ULK4: variants seen among roughly 807,000 people sequenced by gnomAD.
The protein encoded by ULK4 is inactive serine/threonine-protein kinase ULK4.
ULK4 carries 133 observed loss-of-function variants against 160.6 expected under a neutral mutation model. The observed-to-expected ratio is 0.83, with a 90% confidence interval of 0.72 to 0.96. The LOEUF (loss-of-function observed/expected upper bound fraction) is 0.96. Among genes scored for constraint, ULK4 ranks in the 40% least tolerant of loss-of-function variants. The pLI, the probability that ULK4 is intolerant of heterozygous loss-of-function variation, is 0.00. For synonymous variants in ULK4, 534 were observed against 539.8 expected (o/e 0.99, Z 0.15); for missense variants, 1,580 against 1,499.5 (o/e 1.05, Z -0.89).
chr3:41,862,776 TC>T (rs1319081516), intron 17 of ULK4, among the ~76,000 whole-genome samples: 6 of 132,998 alleles, frequency 4.5e-5, no homozygotes, highest in Non-Finnish European at 7.4e-5. Flanking sequence ...TCTCTCTCTC[TC>T]TCTCTCTCCG....
intron 21 of ULK4, among the ~76,000 whole-genome samples, chr3:41,754,815 A>C (rs543024850): frequency 3.9e-5 from 6 of 152,356 alleles, no homozygotes; most frequent in African/African-American, 9.6e-5. Context: ...TTAACTACTC[A>C]ATCACACAAC....
intron 32 of ULK4, among the ~76,000 whole-genome samples, chr3:41,540,821 C>A (rs2086669770): frequency 6.6e-6 from 1 of 152,190 alleles, no homozygotes; most frequent in Admixed American, 6.5e-5. Context: ...TTGTTGGCTG[C>A]ATAAATGTCT....
At chr3:41,596,873 T>G (rs868191487) in intron 31 of ULK4, among the ~76,000 whole-genome samples, 2 of 152,052 alleles carry the variant, frequency 1.3e-5, no homozygotes, top group African/African-American at 4.8e-5. Flanking sequence ...CTGATTCTAG[T>G]GTAAGGTTTC....
rs1559577709 is a variant in ULK4, at chr3:41,819,450, T to C, written c.1821A>G (p.Thr607=). The C allele has an allele frequency of 3.7e-6, 6 of 1,613,530 alleles. No individual in the cohort carries two copies. Among genetic ancestry groups the C allele is most frequent in the South Asian group, 1.1e-5 (1 of 91,046 alleles). The change falls in exon 19 of 37, where the codon ACA becomes ACG. Residue 607 remains threonine, a synonymous_variant. Coordinates refer to ENST00000301831, the MANE Select transcript of ULK4 (RefSeq NM_017886.4). ...ECWAVPLAAY[T]VLMRCLREGE... ...CTTCCCGAAGGCACCTCATTAGCAC[T>C]GTGTATGCAGCCAAGGGAACAGCCC...
At chr3:41,551,480 G>A (rs907772955) in intron 32 of ULK4, among the ~76,000 whole-genome samples, 2 of 151,748 alleles carry the variant, frequency 1.3e-5, no homozygotes, top group Admixed American at 6.6e-5. Flanking sequence ...CATCAGAGAC[G>A]ATTATGAGCA....
At chr3:41,897,964 T>G (rs964388727) in intron 14 of ULK4, among the ~76,000 whole-genome samples, 2 of 152,110 alleles carry the variant, frequency 1.3e-5, no homozygotes, top group Non-Finnish European at 2.9e-5. Context: ...TCAACAGAAA[T>G]GTAATAATTA....
chr3:41,802,806 T>C (rs1015735518), intron 19 of ULK4, among the ~76,000 whole-genome samples: 1 of 152,200 alleles, frequency 6.6e-6, no homozygotes, highest in Non-Finnish European at 1.5e-5. Context: ...GGTTCATATG[T>C]AAGCATTTGT....
chr3:41,446,680 G>C (rs914783238), intron 34 of ULK4, among the ~76,000 whole-genome samples: 1 of 133,260 alleles, frequency 7.5e-6, no homozygotes, highest in Non-Finnish European at 1.5e-5. Context: ...TGAACAATGA[G>C]AACACATGGA....
intron 32 of ULK4, among the ~76,000 whole-genome samples, chr3:41,486,571 C>A (rs2084542678): frequency 6.6e-6 from 1 of 152,094 alleles, no homozygotes; most frequent in African/African-American, 2.4e-5. Flanking sequence ...GGGGAGGAAG[C>A]ATGGAGGTAG....
intron 32 of ULK4, among the ~76,000 whole-genome samples, chr3:41,471,257 G>A (rs1231483641): frequency 6.6e-6 from 1 of 152,044 alleles, no homozygotes. Context: ...AATAAAGAAA[G>A]AAGTTATATA....
chr3:41,752,719 C>T (rs1453448055), intron 22 of ULK4, among the ~76,000 whole-genome samples: 2 of 152,110 alleles, frequency 1.3e-5, no homozygotes, highest in African/African-American at 4.8e-5. Flanking sequence ...AAAGACAAAA[C>T]ACATTAAATC....
intron 31 of ULK4, among the ~76,000 whole-genome samples, chr3:41,579,938 A>G (rs1450694012): frequency 6.6e-6 from 1 of 152,168 alleles, no homozygotes; most frequent in Non-Finnish European, 1.5e-5. Context: ...AAGCAAGTGC[A>G]ATCTTTCCCT....
chr3:41,362,808 G>T (rs1035575644), intron 35 of ULK4, among the ~76,000 whole-genome samples: 11 of 152,236 alleles, frequency 7.2e-5, no homozygotes, highest in African/African-American at 2.7e-4. Flanking sequence ...AACAGTCGGT[G>T]ACAATAACCA....
At chr3:41,937,432 G>A in intron 3 of ULK4, 1 of 618,320 alleles carries the variant, frequency 1.6e-6, no homozygotes, top group Non-Finnish European at 2.9e-6. Context: ...TAAGTTAGAT[G>A]CATAAAGCTA....
At chr3:41,660,297 A>C (rs1348253925) in intron 30 of ULK4, among the ~76,000 whole-genome samples, 1 of 132,390 alleles carries the variant, frequency 7.6e-6, no homozygotes, top group East Asian at 1.9e-4. Context: ...ACTCCGTCTC[A>C]AAAAAAAAAG....
chr3:41,416,471 T>C (rs2082529307), intron 34 of ULK4, among the ~76,000 whole-genome samples: 1 of 152,156 alleles, frequency 6.6e-6, no homozygotes, highest in Admixed American at 6.5e-5. Context: ...AAAAGGCCTC[T>C]TTGAAGCATT....
chr3:41,410,596 G>T (rs538087840), intron 34 of ULK4, among the ~76,000 whole-genome samples: 2 of 151,810 alleles, frequency 1.3e-5, no homozygotes, highest in South Asian at 4.2e-4. Context: ...GATAATGGTT[G>T]CACAATATAC....
intron 30 of ULK4, among the ~76,000 whole-genome samples, chr3:41,637,977 T>C (rs911380564): frequency 8.5e-5 from 13 of 152,200 alleles, no homozygotes; most frequent in African/African-American, 3.1e-4. Context: ...TTTTCTCCCA[T>C]TCTGTAAGTT....
intron 19 of ULK4, among the ~76,000 whole-genome samples, chr3:41,809,099 G>A (rs2040739285): frequency 1.3e-5 from 2 of 150,828 alleles, no homozygotes; most frequent in Admixed American, 6.6e-5. Context: ...CCAGGAGGCT[G>A]AGGTTGCAGT....
Sources: gnomAD v4.1 joint callset for allele counts (sites outside exome capture counted in the v4.1 genomes callset) on GRCh38, gnomAD v4.1.1 for gene constraint, MANE v1.5 for transcripts, NCBI Gene and HGNC (gene_info 2026-07-23, HGNC 2026-07-21) for gene names.